MARCHF1: variants seen among roughly 807,000 people sequenced by gnomAD.
MARCHF1 encodes membrane associated ring-CH-type finger 1, also known as E3 ubiquitin-protein ligase MARCHF1.
A neutral mutation model predicts 54.2 loss-of-function variants in MARCHF1; 40 were observed. The observed-to-expected ratio is 0.74, with a 90% CI of 0.57 to 0.96. The LOEUF (loss-of-function observed/expected upper bound fraction) is 0.96. Ranked by LOEUF, MARCHF1 falls within the 40% of genes least tolerant of loss-of-function variation. MARCHF1 has a pLI of 0.00. For synonymous variants in MARCHF1, 236 were observed against 236.3 expected (o/e 1.00, Z 0.01); for missense variants, 586 against 656.5 (o/e 0.89, Z 1.17).
At chr4:164,303,181 TTTCTGCTACTCAGC>T (rs1734608957) in intron 1 of MARCHF1, among the ~76,000 whole-genome samples, 1 of 152,200 alleles carries the variant, frequency 6.6e-6, no homozygotes, top group Non-Finnish European at 1.5e-5. Flanking sequence ...ACATCCACAG[TTTCTGCTACTCAGC>T]TCGGTTTTGT....
At chr4:164,223,999 T>C (rs2111159927) in intron 1 of MARCHF1, among the ~76,000 whole-genome samples, 1 of 149,218 alleles carries the variant, frequency 6.7e-6, no homozygotes, top group Admixed American at 6.8e-5. Flanking sequence ...GTTCAGGAAA[T>C]TTTAGTCTTG....
chr4:164,345,315 C>T (rs1221412163), intron 1 of MARCHF1, among the ~76,000 whole-genome samples: 2 of 152,010 alleles, frequency 1.3e-5, no homozygotes, highest in African/African-American at 2.4e-5. Context: ...GCCTGTAATC[C>T]TTGTACTGTG....
Position 163,713,917 on chromosome 4 carries a change from G to A in MARCHF1, c.112-13054C>T, listed in dbSNP as rs929856962. Among the ~76,000 whole-genome samples, 3 of 152,170 alleles carry A rather than the reference G, an allele frequency of 2.0e-5. No homozygotes were observed. The South Asian group carries it at 6.2e-4, about 31-fold the overall frequency. ...GAAAATATGTGCCTATTGTAAACAGGTGGGAAGAAATGAAGACATGAAAGA... is the reference window on the plus strand; with the variant it reads ...GAAAATATGTGCCTATTGTAAACAGATGGGAAGAAATGAAGACATGAAAGA... On this transcript the variant is annotated intron_variant, in intron 4 of 9. Transcript: ENST00000514618.
At chr4:164,298,408 G>T (rs1236092195) in intron 1 of MARCHF1, among the ~76,000 whole-genome samples, 1 of 151,554 alleles carries the variant, frequency 6.6e-6, no homozygotes, top group Non-Finnish European at 1.5e-5. Context: ...AAATCTTTCC[G>T]TAACGGGTAC....
chr4:164,016,917 C>G (rs889066035), intron 2 of MARCHF1, among the ~76,000 whole-genome samples: 2 of 151,914 alleles, frequency 1.3e-5, no homozygotes, highest in Non-Finnish European at 2.9e-5. Context: ...CACATGTACC[C>G]TATAAATATG....
intron 2 of MARCHF1, among the ~76,000 whole-genome samples, chr4:163,992,241 T>C (rs1241293303): frequency 6.6e-6 from 1 of 152,082 alleles, no homozygotes; most frequent in Non-Finnish European, 1.5e-5. Flanking sequence ...CTTCTGTGTT[T>C]TCTGAACCAT....
intron 2 of MARCHF1, among the ~76,000 whole-genome samples, chr4:164,088,992 T>C (rs1350034900): frequency 6.6e-6 from 1 of 152,160 alleles, no homozygotes; most frequent in African/African-American, 2.4e-5. Flanking sequence ...GTTTTAAGCT[T>C]CATGAAAACA....
intron 3 of MARCHF1, among the ~76,000 whole-genome samples, chr4:163,921,440 T>C (rs1751428397): frequency 6.6e-6 from 1 of 152,164 alleles, no homozygotes; most frequent in Admixed American, 6.6e-5. Context: ...TTTAATCCAA[T>C]GGTAATGTGT....
At chr4:163,981,850 C>T (rs755099170) in intron 3 of MARCHF1, among the ~76,000 whole-genome samples, 4 of 152,172 alleles carry the variant, frequency 2.6e-5, no homozygotes, top group Non-Finnish European at 5.9e-5. Flanking sequence ...AACACAATGA[C>T]CACATGGAGT....
chr4:163,782,268 G>C (rs989399077), intron 4 of MARCHF1, among the ~76,000 whole-genome samples: 1 of 152,204 alleles, frequency 6.6e-6, no homozygotes, highest in African/African-American at 2.4e-5. Context: ...GGAGATAGAT[G>C]TTCAGGGTGT....
intron 4 of MARCHF1, among the ~76,000 whole-genome samples, chr4:163,728,412 A>G (rs1356566262): frequency 6.6e-6 from 1 of 152,222 alleles, no homozygotes; most frequent in Non-Finnish European, 1.5e-5. Flanking sequence ...CATCTTAACA[A>G]TATTAAGTTT....
chr4:163,788,421 G>A (rs1436242148), intron 4 of MARCHF1, among the ~76,000 whole-genome samples: 2 of 151,902 alleles, frequency 1.3e-5, no homozygotes, highest in Non-Finnish European at 2.9e-5. Context: ...TCCCACTAAT[G>A]TCTTTTTCTG....
chr4:164,026,052 G>A (rs1753759794), intron 2 of MARCHF1, among the ~76,000 whole-genome samples: 1 of 151,872 alleles, frequency 6.6e-6, no homozygotes, highest in South Asian at 2.1e-4. Context: ...AGAACAATAA[G>A]AAGTCCCAGA....
intron 2 of MARCHF1, among the ~76,000 whole-genome samples, chr4:164,086,729 T>A (rs1755199431): frequency 6.6e-6 from 1 of 152,012 alleles, no homozygotes; most frequent in South Asian, 2.1e-4. Flanking sequence ...AAATGGTACT[T>A]AGGGGTGTCA....
intron 5 of MARCHF1, among the ~76,000 whole-genome samples, chr4:163,667,839 CT>C (rs1387973863): frequency 1.3e-5 from 2 of 152,082 alleles, no homozygotes; most frequent in Non-Finnish European, 2.9e-5. Context: ...GTTGCCCAAG[CT>C]GGTCTTGAAC....
At chr4:164,264,931 AC>A (rs1223038876) in intron 1 of MARCHF1, among the ~76,000 whole-genome samples, 9,033 of 147,338 alleles carry the variant, frequency 0.061, 389 homozygotes, top group Middle Eastern at 0.13. Flanking sequence ...AAAAAAAAAA[AC>A]AAAAAAAACA....
chr4:164,138,426 A>G lies in MARCHF1; in HGVS notation c.-322-26764T>C, dbSNP rs551149946. Among the ~76,000 whole-genome samples the G allele has an allele frequency of 3.5e-4, 53 of 152,286 alleles. 2 individuals are homozygous for G. The highest frequency in any genetic ancestry group is 1.2e-3 in the African/African-American group (51 of 41,560). On this transcript the variant is annotated intron_variant, in intron 1 of 9. Coordinates refer to ENST00000514618, the MANE Select transcript of MARCHF1 (RefSeq NM_001394959.1). Reference sequence around the variant, plus strand: ...AGAGTGAGATCCTGTGACCAGAAGTAGGAGCAAGGGAGCTAGGCCTGACCT... The same window carrying G: ...AGAGTGAGATCCTGTGACCAGAAGTGGGAGCAAGGGAGCTAGGCCTGACCT...
intron 1 of MARCHF1, among the ~76,000 whole-genome samples, chr4:164,237,986 A>G (rs1328158550): frequency 2.0e-5 from 3 of 152,130 alleles, no homozygotes; most frequent in Non-Finnish European, 2.9e-5. Flanking sequence ...TTATCTATAC[A>G]TGGGAAGCTG....
At chr4:163,636,179 C>A (rs200961200) in intron 5 of MARCHF1, among the ~76,000 whole-genome samples, 3 of 151,740 alleles carry the variant, frequency 2.0e-5, no homozygotes, top group Non-Finnish European at 4.4e-5. Context: ...GTTTGAAAAC[C>A]GGCACAAGAC....
Sources: allele counts gnomAD v4.1 joint callset (sites outside exome capture counted in the v4.1 genomes callset), GRCh38; gene constraint gnomAD v4.1.1; transcripts MANE v1.5; gene names NCBI Gene and HGNC (gene_info 2026-07-23, HGNC 2026-07-21).